PCDH9: variants seen among roughly 807,000 people sequenced by gnomAD.
PCDH9 encodes protocadherin-9.
A neutral mutation model predicts 70.6 loss-of-function variants in PCDH9; 24 were observed. The ratio of observed to expected loss-of-function variants is 0.34; its 90% CI spans 0.25 to 0.48. PCDH9 has a LOEUF of 0.48. PCDH9 is among the 20% of genes least tolerant of loss of function. PCDH9 has a pLI of 0.99. For missense variants in PCDH9, 1,281 were observed against 1,503.6 expected, an observed-to-expected ratio of 0.85 and a Z score of 2.45; for synonymous variants, 562 against 558.5, an observed-to-expected ratio of 1.01 and a Z score of -0.09.
chr13:66,670,142 A>T (rs943402844), intron 3 of PCDH9, among the ~76,000 whole-genome samples: 61 of 152,282 alleles, frequency 4.0e-4, no homozygotes, highest in African/African-American at 1.4e-3. Context: ...CAGTTTTTTT[A>T]AAAAATATTA....
At chr13:66,797,788 G>C (rs913885874) in intron 3 of PCDH9, among the ~76,000 whole-genome samples, 2 of 151,908 alleles carry the variant, frequency 1.3e-5, no homozygotes, top group Non-Finnish European at 2.9e-5. Flanking sequence ...ACTGTATATA[G>C]AAAAGGACAG....
At chr13:66,645,530 C>T (rs1240436136) in intron 3 of PCDH9, among the ~76,000 whole-genome samples, 2 of 151,814 alleles carry the variant, frequency 1.3e-5, no homozygotes, top group Non-Finnish European at 1.5e-5. Context: ...ATTATGAGTC[C>T]TTATAAAACT....
intron 4 of PCDH9, among the ~76,000 whole-genome samples, chr13:66,589,102 A>G (rs2077004542): frequency 1.3e-5 from 2 of 152,054 alleles, no homozygotes; most frequent in African/African-American, 2.4e-5. Flanking sequence ...AGAAAATTAA[A>G]TATGTCCTAT....
At chr13:66,587,053 T>A (rs866873465) in intron 4 of PCDH9, among the ~76,000 whole-genome samples, 1 of 152,134 alleles carries the variant, frequency 6.6e-6, no homozygotes, top group East Asian at 1.9e-4. Context: ...ACCAGCACTT[T>A]AGGAGGCCAA....
intron 4 of PCDH9, among the ~76,000 whole-genome samples, chr13:66,354,591 G>A (rs1024594228): frequency 1.1e-4 from 16 of 151,832 alleles, no homozygotes; most frequent in South Asian, 4.1e-4. Context: ...TTCTAATAGC[G>A]GTAGAAGGGA....
At chr13:67,213,234 A>G (rs1165218730) in intron 2 of PCDH9, 14 of 103,990 alleles carry the variant, frequency 1.3e-4, no homozygotes, top group Admixed American at 8.8e-4. Context: ...AAAAAAAAAA[A>G]AAAAGAAAAA....
chr13:66,551,928 C>T (rs1331389440), intron 4 of PCDH9, among the ~76,000 whole-genome samples: 4 of 151,994 alleles, frequency 2.6e-5, no homozygotes, highest in African/African-American at 4.8e-5. Context: ...GAGTGAGAGA[C>T]GTATGTGATT....
chr13:67,199,356 TC>T (rs1236095127), intron 2 of PCDH9, among the ~76,000 whole-genome samples: 1 of 151,846 alleles, frequency 6.6e-6, no homozygotes, highest in Non-Finnish European at 1.5e-5. Context: ...ATAATTTTTT[TC>T]CTTCCCCTGC....
chr13:67,173,285 T>C (rs896110557), intron 2 of PCDH9, among the ~76,000 whole-genome samples: 2 of 152,184 alleles, frequency 1.3e-5, no homozygotes, highest in Non-Finnish European at 2.9e-5. Context: ...AACTGGAAGT[T>C]GAAGAAGAGA....
chr13:67,125,839 A>ATGTG (rs1391761683), intron 2 of PCDH9, among the ~76,000 whole-genome samples: 3 of 146,550 alleles, frequency 2.0e-5, no homozygotes, highest in African/African-American at 7.4e-5. Context: ...GTGTATATAT[A>ATGTG]TATGTGTGTG....
chr13:66,962,000 G>A (rs1354473057), intron 2 of PCDH9, among the ~76,000 whole-genome samples: 1 of 151,552 alleles, frequency 6.6e-6, no homozygotes, highest in Admixed American at 6.6e-5. Context: ...GCAGTGAGCC[G>A]AGATTGTGCC....
intron 2 of PCDH9, among the ~76,000 whole-genome samples, chr13:67,135,532 C>T (rs34103192): frequency 0.021 from 3,229 of 152,154 alleles, 54 homozygotes; most frequent in Middle Eastern, 0.048. Flanking sequence ...CGAAGTAGAA[C>T]ATCTAGCCAA....
At chr13:67,120,633 C>T (rs1194270386) in intron 2 of PCDH9, among the ~76,000 whole-genome samples, 1 of 152,146 alleles carries the variant, frequency 6.6e-6, no homozygotes, top group Non-Finnish European at 1.5e-5. Context: ...TTTACTCATA[C>T]TTCAGTCACA....
intron 4 of PCDH9, among the ~76,000 whole-genome samples, chr13:66,589,246 ATC>A (rs1280939335): frequency 6.6e-6 from 1 of 152,084 alleles, no homozygotes; most frequent in Non-Finnish European, 1.5e-5. Context: ...GAAAGCAATC[ATC>A]TCTGAGAGCT....
intron 2 of PCDH9, among the ~76,000 whole-genome samples, chr13:67,089,022 A>G (rs2086164333): frequency 4.6e-5 from 7 of 152,034 alleles, no homozygotes; most frequent in Admixed American, 4.6e-4. Flanking sequence ...TTTCCCTTGT[A>G]TATGCATTGC....
At chr13:66,738,125 C>T (rs906503332) in intron 3 of PCDH9, among the ~76,000 whole-genome samples, 2 of 152,192 alleles carry the variant, frequency 1.3e-5, no homozygotes, top group Admixed American at 1.3e-4. Flanking sequence ...GTGGTTCTCC[C>T]AGCACGCAGC....
chr13:66,461,644 G>A (rs1326331679), intron 4 of PCDH9, among the ~76,000 whole-genome samples: 1 of 151,546 alleles, frequency 6.6e-6, no homozygotes, highest in East Asian at 1.9e-4. Context: ...AAAACGGGAA[G>A]CTTACCATTT....
chr13:66,665,844 A>T (rs1365772838), intron 3 of PCDH9, among the ~76,000 whole-genome samples: 1 of 152,064 alleles, frequency 6.6e-6, no homozygotes, highest in Non-Finnish European at 1.5e-5. Context: ...GTTTTGAGAG[A>T]TACTAGATTA....
chr13:66,336,171 T>G (rs1184205448), intron 4 of PCDH9, among the ~76,000 whole-genome samples: 1 of 152,108 alleles, frequency 6.6e-6, no homozygotes, highest in Admixed American at 6.6e-5. Context: ...CTGGAGATCT[T>G]GTTGACTTTG....
Sources: allele counts gnomAD v4.1 joint callset (sites outside exome capture counted in the v4.1 genomes callset), GRCh38; gene constraint gnomAD v4.1.1; transcripts MANE v1.5; gene names NCBI Gene and HGNC (gene_info 2026-07-23, HGNC 2026-07-21).